COL24A1: variants seen among roughly 807,000 people sequenced by gnomAD.
The protein encoded by COL24A1 is collagen alpha-1(XXIV) chain.
A neutral mutation model predicts 253.9 loss-of-function variants in COL24A1; 224 were observed. The ratio of observed to expected loss-of-function variants is 0.88; its 90% CI spans 0.79 to 0.99. The LOEUF is 0.99. Among genes scored for constraint, COL24A1 ranks in the 50% least tolerant of loss-of-function variants. The probability of loss-of-function intolerance (pLI) is 0.00; values close to 1 mark genes in which losing one functional copy is unlikely to be tolerated. For synonymous variants in COL24A1, 685 were observed against 673.7 expected, an observed-to-expected ratio of 1.02 and a Z score of -0.26; for missense variants, 2,131 against 2,068.5, an observed-to-expected ratio of 1.03 and a Z score of -0.59.
intron 24 of COL24A1, among the ~76,000 whole-genome samples, chr1:85,921,155 G>A (rs937900571): frequency 1.3e-5 from 2 of 152,168 alleles, no homozygotes; most frequent in Admixed American, 1.3e-4. Flanking sequence ...GAAGTGCAAG[G>A]GGTTGGGGGA....
At chr1:85,841,357 G>A in intron 41 of COL24A1, 79 bp from the exon 42 acceptor site, 1 of 994,656 alleles carries the variant, frequency 1.0e-6, no homozygotes, top group Non-Finnish European at 1.5e-6. Context: ...CTATTTTTAA[G>A]TATATTAGAA....
chr1:85,827,581 T>A (rs1047143936), intron 43 of COL24A1, among the ~76,000 whole-genome samples: 19 of 152,056 alleles, frequency 1.2e-4, no homozygotes, highest in Non-Finnish European at 2.6e-4. Context: ...TGGTAAGCTA[T>A]TGATTATTGC....
chr1:85,982,303 G>A (rs1005847638), intron 20 of COL24A1, among the ~76,000 whole-genome samples: 8 of 152,040 alleles, frequency 5.3e-5, no homozygotes, highest in Non-Finnish European at 1.2e-4. Context: ...AATAAATATA[G>A]AATTTCAGTC....
chr1:85,815,036 C>T (rs1258287217), intron 47 of COL24A1, among the ~76,000 whole-genome samples: 1 of 152,082 alleles, frequency 6.6e-6, no homozygotes, highest in Non-Finnish European at 1.5e-5. Context: ...ACTATTTAGC[C>T]TTATAAACTA....
chr1:86,089,302 C>T (rs951083362), intron 6 of COL24A1, 75 bp from the exon 7 acceptor site: 185 of 1,247,146 alleles, frequency 1.5e-4, no homozygotes, highest in Non-Finnish European at 2.0e-4. Flanking sequence ...ATTAAAGCTC[C>T]TTTTAATTTT....
chr1:86,136,124 T>C (rs17408110), intron 2 of COL24A1, among the ~76,000 whole-genome samples: 5,130 of 152,210 alleles, frequency 0.034, 94 homozygotes, highest in Non-Finnish European at 0.044. Context: ...TCCACTCACA[T>C]TGGTATATGC....
At chr1:85,938,502 A>G (rs916130795) in intron 24 of COL24A1, among the ~76,000 whole-genome samples, 3 of 146,746 alleles carry the variant, frequency 2.0e-5, no homozygotes, top group African/African-American at 7.5e-5. Flanking sequence ...AATATCACTG[A>G]AGTCTTAAAA....
chr1:85,777,120 T>G (rs1668624577), intron 52 of COL24A1, among the ~76,000 whole-genome samples: 1 of 151,876 alleles, frequency 6.6e-6, no homozygotes, highest in Admixed American at 6.6e-5. Flanking sequence ...CAGATAATTT[T>G]TGTATTTTCA....
At chr1:85,834,291 T>TGA (rs149685271) in intron 43 of COL24A1, among the ~76,000 whole-genome samples, 5,964 of 148,696 alleles carry the variant, frequency 0.04, 388 homozygotes, top group African/African-American at 0.14. Flanking sequence ...AGTGAGTGAG[T>TGA]GAGAGAGAGA....
At chr1:85,787,080 T>C (rs140645285) in intron 47 of COL24A1, among the ~76,000 whole-genome samples, 1 of 152,174 alleles carries the variant, frequency 6.6e-6, no homozygotes, top group African/African-American at 2.4e-5. Context: ...AAAAATTCTA[T>C]GAAATTAAAA....
At chr1:85,767,425 C>G (rs1020957089) in intron 53 of COL24A1, among the ~76,000 whole-genome samples, 2 of 152,090 alleles carry the variant, frequency 1.3e-5, no homozygotes, top group African/African-American at 4.8e-5. Context: ...TGTTACCAAG[C>G]TTTTCCATAA....
At chr1:85,896,243 G>T (rs772865217) in intron 29 of COL24A1, 113 bp downstream of exon 29, 2 of 1,236,676 alleles carry the variant, frequency 1.6e-6, no homozygotes, top group East Asian at 2.4e-5. Context: ...CTTAGACAAA[G>T]AGAAAACTTA....
At chr1:86,112,142 C>G (rs1216926981) in intron 5 of COL24A1, among the ~76,000 whole-genome samples, 3 of 152,014 alleles carry the variant, frequency 2.0e-5, no homozygotes, top group Admixed American at 1.3e-4. Context: ...CTTTAAACAT[C>G]CTCGGTTTTT....
At chr1:85,891,750 A>G (rs1185833196) in intron 31 of COL24A1, among the ~76,000 whole-genome samples, 3 of 152,156 alleles carry the variant, frequency 2.0e-5, no homozygotes, top group Non-Finnish European at 4.4e-5. Context: ...ATGTCTGCCC[A>G]ATTTTCTTTG....
At chr1:85,832,782 C>A (rs963332584) in intron 43 of COL24A1, among the ~76,000 whole-genome samples, 18 of 150,686 alleles carry the variant, frequency 1.2e-4, no homozygotes, top group Non-Finnish European at 2.1e-4. Context: ...ATTTTGTATC[C>A]TGAGACTTTG....
At chr1:85,810,894 C>A (rs192731469) in intron 47 of COL24A1, among the ~76,000 whole-genome samples, 181 of 152,246 alleles carry the variant, frequency 1.2e-3, no homozygotes, top group African/African-American at 4.2e-3. Flanking sequence ...TATAGCAATG[C>A]AAGAACACCC....
chr1:85,747,502 T>C (rs1665369060), intron 55 of COL24A1, among the ~76,000 whole-genome samples: 2 of 152,148 alleles, frequency 1.3e-5, no homozygotes, highest in African/African-American at 2.4e-5. Flanking sequence ...AAACCCATTA[T>C]ATGTTAATAT....
intron 5 of COL24A1, among the ~76,000 whole-genome samples, chr1:86,108,994 G>A (rs1252954979): frequency 6.6e-6 from 1 of 152,148 alleles, no homozygotes. Context: ...CTAGAAGGGG[G>A]AGAAGAATAA....
At chr1:85,863,108 C>T (rs575737395) in intron 37 of COL24A1, among the ~76,000 whole-genome samples, 1 of 152,160 alleles carries the variant, frequency 6.6e-6, no homozygotes, top group African/African-American at 2.4e-5. Flanking sequence ...CATGATTTAG[C>T]TCTCTGTTTG....
Sources: gnomAD v4.1 joint callset for allele counts (sites outside exome capture counted in the v4.1 genomes callset) on GRCh38, gnomAD v4.1.1 for gene constraint, MANE v1.5 for transcripts, NCBI Gene and HGNC (gene_info 2026-07-23, HGNC 2026-07-21) for gene names.